SCN11A: variants seen among roughly 807,000 people sequenced by gnomAD.
SCN11A encodes sodium voltage-gated channel alpha subunit 11.
Under a neutral mutation model 162.2 loss-of-function variants are expected in SCN11A, and 122 were observed. The ratio of observed to expected loss-of-function variants is 0.75; its 90% CI spans 0.65 to 0.87. SCN11A has a LOEUF of 0.87. SCN11A is among the 40% of genes least tolerant of loss of function. The pLI is 0.00. For synonymous variants in SCN11A, 758 were observed against 751.5 expected (o/e 1.01, Z -0.14); for missense variants, 2,015 against 2,181.6 (o/e 0.92, Z 1.52).
chr3:38,998,920 G>A, intron 2 of SCN11A, among the ~76,000 whole-genome samples: 1 of 124,670 alleles, frequency 8.0e-6, no homozygotes, highest in Non-Finnish European at 1.7e-5. Flanking sequence ...GGTGGGGGGA[G>A]GGGGGAGGGA....
intron 2 of SCN11A, among the ~76,000 whole-genome samples, chr3:38,963,872 G>GA (rs1342340209): frequency 6.6e-6 from 1 of 152,012 alleles, no homozygotes; most frequent in African/African-American, 2.4e-5. Flanking sequence ...ATAACTTACA[G>GA]AAAAATTTTA....
At chr3:38,901,647 A>G (rs1417877137) in intron 16 of SCN11A, among the ~76,000 whole-genome samples, 3 of 152,194 alleles carry the variant, frequency 2.0e-5, no homozygotes, top group Non-Finnish European at 4.4e-5. Context: ...ATCCTGGCCC[A>G]TGCATCAGAG....
intron 5 of SCN11A, among the ~76,000 whole-genome samples, chr3:38,947,902 A>G (rs1293964765): frequency 1.3e-5 from 2 of 152,222 alleles, no homozygotes; most frequent in Non-Finnish European, 2.9e-5. Context: ...TGCAAAAAGT[A>G]CTACTTGGCC....
chr3:38,890,380 T>G (rs1213654753), intron 19 of SCN11A, among the ~76,000 whole-genome samples: 2 of 152,244 alleles, frequency 1.3e-5, no homozygotes, highest in Non-Finnish European at 2.9e-5. Flanking sequence ...AGTATAAGTC[T>G]AAGAGTGTTC....
intron 2 of SCN11A, among the ~76,000 whole-genome samples, chr3:39,009,182 T>A (rs1347365554): frequency 6.6e-6 from 1 of 152,074 alleles, no homozygotes; most frequent in Non-Finnish European, 1.5e-5. Context: ...TGTAAAATAA[T>A]ATCATTCTTA....
intron 2 of SCN11A, among the ~76,000 whole-genome samples, chr3:39,010,202 T>TA (rs1374308837): frequency 4.0e-5 from 6 of 151,850 alleles, no homozygotes; most frequent in Non-Finnish European, 7.4e-5. Flanking sequence ...AAATAAATCC[T>TA]AAAAAACCCA....
At chr3:39,036,474 G>C (rs1228904540) in intron 1 of SCN11A, among the ~76,000 whole-genome samples, 2 of 152,100 alleles carry the variant, frequency 1.3e-5, no homozygotes, top group Non-Finnish European at 2.9e-5. Context: ...TATCCCAAAA[G>C]CACAGACAAT....
intron 5 of SCN11A, among the ~76,000 whole-genome samples, chr3:38,948,193 G>A (rs543758922): frequency 2.3e-4 from 35 of 152,272 alleles, no homozygotes; most frequent in Admixed American, 3.9e-4. Context: ...GAAATTCTGC[G>A]CCTTTCCTTT....
chr3:38,970,474 TTA>T (rs942986633), intron 2 of SCN11A, among the ~76,000 whole-genome samples: 2 of 152,226 alleles, frequency 1.3e-5, no homozygotes, highest in Non-Finnish European at 2.9e-5. Context: ...ACTTTCTCTT[TTA>T]GTTTGCTGTC....
At position 38,897,022 on chromosome 3, in the gene SCN11A, T is replaced by C; in HGVS notation, c.2226A>G (p.Thr742=). 1 of 1,614,136 alleles carries C rather than the reference T, an allele frequency of 6.2e-7. No individual in the cohort carries two copies. Among genetic ancestry groups the C allele is most frequent in the Non-Finnish European group, 8.5e-7 (1 of 1,180,022 alleles). The change falls in exon 18 of 30, where the codon ACA becomes ACG. Residue 742 remains threonine (T), a synonymous_variant. Coordinates refer to ENST00000302328, the MANE Select transcript of SCN11A (RefSeq NM_001349253.2). ...SPKLCNPTGP[T]VSCLRHWHMG... is the part of the protein sequence containing the mutation. Reference sequence around the variant, plus strand: ...TGTGCCAGTGCCGTAAACATGAGACTGTCGGGCCTGTCGGGTTACAGAGTT... The same window carrying C: ...TGTGCCAGTGCCGTAAACATGAGACCGTCGGGCCTGTCGGGTTACAGAGTT...
At chr3:39,032,915 G>A (rs1008426992) in intron 1 of SCN11A, among the ~76,000 whole-genome samples, 1 of 152,154 alleles carries the variant, frequency 6.6e-6, no homozygotes, top group Non-Finnish European at 1.5e-5. Context: ...ACTTTGGGAG[G>A]CCGAGGTGGG....
At chr3:38,930,678 C>T (rs1219499119) in intron 7 of SCN11A, among the ~76,000 whole-genome samples, 1 of 152,148 alleles carries the variant, frequency 6.6e-6, no homozygotes, top group Non-Finnish European at 1.5e-5. Flanking sequence ...CAGCTGAAGC[C>T]TGACCATTGA....
intron 2 of SCN11A, among the ~76,000 whole-genome samples, chr3:39,006,278 A>G (rs1689827255): frequency 6.6e-6 from 1 of 152,204 alleles, no homozygotes; most frequent in Non-Finnish European, 1.5e-5. Flanking sequence ...TTGATCTTTC[A>G]GTGCTTCAAG....
chr3:39,001,115 A>G (rs891022665), intron 2 of SCN11A, among the ~76,000 whole-genome samples: 58 of 152,006 alleles, frequency 3.8e-4, no homozygotes, highest in African/African-American at 1.4e-3. Flanking sequence ...AACCTCCTAA[A>G]CTCATTTTTT....
At chr3:38,937,669 T>C (rs1363061755) in intron 7 of SCN11A, among the ~76,000 whole-genome samples, 1 of 151,696 alleles carries the variant, frequency 6.6e-6, no homozygotes, top group Non-Finnish European at 1.5e-5. Context: ...AAAACCACAA[T>C]GAGATACCAT....
rs1366441803 is a variant in SCN11A at position 38,908,980 on chromosome 3, T to G, written c.1299+17A>C. On this transcript the variant is annotated intron_variant, in intron 13 of 29. Transcript: ENST00000302328. ...CCTCCCCAGAGCAGATCCCACTGTC[T>G]GACCCCATGTCCCTACCTCCTTTTC... The G allele has an allele frequency of 6.2e-7, 1 of 1,611,394 alleles. No homozygotes were observed. The highest frequency in any genetic ancestry group is 8.5e-7 in the Non-Finnish European group (1 of 1,179,070).
chr3:38,992,610 T>C (rs2030487074), intron 2 of SCN11A, among the ~76,000 whole-genome samples: 1 of 152,226 alleles, frequency 6.6e-6, no homozygotes, highest in South Asian at 2.1e-4. Flanking sequence ...ACTTGATTCA[T>C]TTCAAATAGT....
At chr3:38,957,624 C>G (rs184269416) in intron 3 of SCN11A, among the ~76,000 whole-genome samples, 1 of 152,148 alleles carries the variant, frequency 6.6e-6, no homozygotes, top group Non-Finnish European at 1.5e-5. Context: ...TGCAGGGTGG[C>G]CAGGGCTACC....
Position 39,012,464 on chromosome 3 carries a change from TTCTC to T in SCN11A, c.-280+19912_-280+19915del, listed in dbSNP as rs200254420. ...TCTCTCTCTTTCTCTCTTTCTTTCT[TTCTC>T]TCTCTCTTTCTCTCTTTCTTTTTTT... On this transcript the variant is annotated intron_variant, in intron 2 of 29. Transcript: ENST00000302328. Among the ~76,000 whole-genome samples the T allele has an allele frequency of 4.0e-3, 587 of 147,656 alleles. 19 individuals are homozygous for T. The highest frequency in any genetic ancestry group is 0.015 in the African/African-American group (550 of 37,776).
Sources: allele counts gnomAD v4.1 joint callset (sites outside exome capture counted in the v4.1 genomes callset), GRCh38; gene constraint gnomAD v4.1.1; transcripts MANE v1.5; gene names NCBI Gene and HGNC (gene_info 2026-07-23, HGNC 2026-07-21).